Variants in SLC24A2 observed in about 807,000 individuals in gnomAD.
The protein encoded by SLC24A2 is solute carrier family 24 member 2.
SLC24A2 carries 36 observed loss-of-function variants against 62.0 expected under a neutral mutation model. That is an observed-to-expected ratio of 0.58 (90% CI 0.44 to 0.77). The LOEUF (loss-of-function observed/expected upper bound fraction) is 0.77, where lower values mean the gene tolerates loss of function less well. SLC24A2 is among the 30% of genes least tolerant of loss of function. The probability of loss-of-function intolerance (pLI) is 0.00; values close to 1 mark genes in which losing one functional copy is unlikely to be tolerated. For missense variants in SLC24A2, 846 were observed against 817.9 expected (o/e 1.03, Z -0.42); for synonymous variants, 358 against 294.0 (o/e 1.22, Z -2.23).
the SLC24A2 span, among the ~76,000 whole-genome samples, chr9:20,078,945 T>C: frequency 6.6e-4 from 100 of 152,342 alleles, 1 homozygote; most frequent in African/African-American, 2.2e-3. Context: ...TAGTAACTTT[T>C]TGTAGTGGAT....
In SLC24A2 at chr9:19,587,991, T is replaced by C. The variant is rs1308065733; in HGVS notation, c.1129+9238A>G. Among the ~76,000 whole-genome samples the C allele has an allele frequency of 2.0e-5, 3 of 152,294 alleles. No homozygotes were observed. The East Asian group carries it at 5.8e-4, about 29-fold the overall frequency. On this transcript the variant is annotated intron_variant, in intron 5 of 10. Coordinates refer to ENST00000341998, the MANE Select transcript of SLC24A2 (RefSeq NM_020344.4). ...CTGGTTTTCAGGAAGACTGTGGCTT[T>C]ACCCACATAGCTGGTTTGGTCTTTC... is the stretch of plus-strand genomic sequence containing the variant.
At chr9:20,211,153 G>A in the SLC24A2 span, among the ~76,000 whole-genome samples, 1 of 151,846 alleles carries the variant, frequency 6.6e-6, no homozygotes, top group Admixed American at 6.6e-5. Context: ...TTGCTATCCT[G>A]ATTGGTGTTA....
the SLC24A2 span, among the ~76,000 whole-genome samples, chr9:20,256,305 T>G: frequency 4.6e-5 from 7 of 152,124 alleles, no homozygotes. Context: ...AATAAAATGG[T>G]GTAGAGTGTG....
chr9:19,976,746 G>C, the SLC24A2 span, among the ~76,000 whole-genome samples: 2 of 152,156 alleles, frequency 1.3e-5, no homozygotes, highest in Non-Finnish European at 2.9e-5. Flanking sequence ...TTTGGTATCT[G>C]CAGGGGTCCT....
intron 2 of SLC24A2, among the ~76,000 whole-genome samples, chr9:19,676,583 G>A (rs1453179407): frequency 2.0e-5 from 3 of 152,090 alleles, no homozygotes; most frequent in Non-Finnish European, 4.4e-5. Context: ...TTATATGGTA[G>A]GAGAAGTTCT....
At chr9:20,186,180 C>T in the SLC24A2 span, among the ~76,000 whole-genome samples, 11 of 152,236 alleles carry the variant, frequency 7.2e-5, no homozygotes, top group South Asian at 2.3e-3. Flanking sequence ...CCAATGGCCC[C>T]TGATCATTTG....
chr9:19,868,067 T>C, the SLC24A2 span, among the ~76,000 whole-genome samples: 1 of 151,988 alleles, frequency 6.6e-6, no homozygotes, highest in Non-Finnish European at 1.5e-5. Context: ...CATTTTTAGG[T>C]TGAAACTTAA....
chr9:19,647,697 C>T (rs1818684127), intron 2 of SLC24A2, among the ~76,000 whole-genome samples: 1 of 152,134 alleles, frequency 6.6e-6, no homozygotes, highest in Non-Finnish European at 1.5e-5. Flanking sequence ...AGGATGAGTA[C>T]CCAGTTAATC....
the SLC24A2 span, among the ~76,000 whole-genome samples, chr9:19,884,120 A>G: frequency 3.0e-4 from 45 of 152,330 alleles, no homozygotes; most frequent in African/African-American, 1.1e-3. Flanking sequence ...GACATACACT[A>G]ATTATCCCTC....
chr9:19,883,350 T>C, the SLC24A2 span, among the ~76,000 whole-genome samples: 5 of 152,188 alleles, frequency 3.3e-5, no homozygotes, highest in African/African-American at 1.2e-4. Flanking sequence ...CTTTCCTAAA[T>C]TGTGTACAAA....
Position 19,611,294 on chromosome 9 carries a change from G to C in SLC24A2, c.1078+8290C>G, listed in dbSNP as rs1837155378. 2.0e-5 allele frequency among the ~76,000 whole-genome samples: 3 copies of C among 150,810 alleles called. No homozygotes were observed. The South Asian group carries it at 6.4e-4, about 32-fold the overall frequency. On this transcript the variant is annotated intron_variant, in intron 4 of 10. Transcript: ENST00000341998. ...ATGTGAGAGAAAAGAGAGAAGGGTA[G>C]AGAAATGAGGAGACAGGAAGGAGGG...
At chr9:20,298,355 A>G in the SLC24A2 span, among the ~76,000 whole-genome samples, 1 of 152,150 alleles carries the variant, frequency 6.6e-6, no homozygotes, top group Non-Finnish European at 1.5e-5. Flanking sequence ...TGGCCTCCCA[A>G]GTAGCCAGGA....
chr9:19,899,433 G>A, the SLC24A2 span, among the ~76,000 whole-genome samples: 22 of 152,304 alleles, frequency 1.4e-4, no homozygotes, highest in Middle Eastern at 3.4e-3. Context: ...GCAGATTGAG[G>A]TGCTGGGGCT....
chr9:19,543,106 A>G (rs1200542500), intron 8 of SLC24A2, among the ~76,000 whole-genome samples: 3 of 152,152 alleles, frequency 2.0e-5, no homozygotes, highest in Admixed American at 6.5e-5. Context: ...CAATTTCAGA[A>G]GTTGTTATTG....
intron 7 of SLC24A2, among the ~76,000 whole-genome samples, chr9:19,551,660 T>G (rs1314074379): frequency 6.6e-6 from 1 of 152,100 alleles, no homozygotes; most frequent in Non-Finnish European, 1.5e-5. Flanking sequence ...CATACACTTT[T>G]CAAACAGTAA....
chr9:20,229,419 C>G, the SLC24A2 span, among the ~76,000 whole-genome samples: 7 of 152,158 alleles, frequency 4.6e-5, no homozygotes, highest in African/African-American at 1.4e-4. Context: ...AGTGCCTGGT[C>G]TGTGTTAAAC....
the SLC24A2 span, among the ~76,000 whole-genome samples, chr9:19,842,314 G>T: frequency 6.6e-6 from 1 of 152,100 alleles, no homozygotes; most frequent in East Asian, 1.9e-4. Context: ...GAATGAACTG[G>T]TCTTACTACA....
At chr9:19,860,447 G>A in the SLC24A2 span, among the ~76,000 whole-genome samples, 1 of 152,172 alleles carries the variant, frequency 6.6e-6, no homozygotes, top group Non-Finnish European at 1.5e-5. Context: ...TGATACTCAA[G>A]TACGATGTTG....
At chr9:20,189,080 T>C in the SLC24A2 span, among the ~76,000 whole-genome samples, 3 of 103,910 alleles carry the variant, frequency 2.9e-5, no homozygotes, top group Non-Finnish European at 1.8e-5. Flanking sequence ...TTTTTTCTTT[T>C]TTTTTTTTTT....
Sources: allele counts gnomAD v4.1 joint callset (sites outside exome capture counted in the v4.1 genomes callset), GRCh38; gene constraint gnomAD v4.1.1; transcripts MANE v1.5; gene names NCBI Gene and HGNC (gene_info 2026-07-23, HGNC 2026-07-21).